The following NIPAL2 variants were observed in gnomAD, a reference collection of about 807,000 sequenced individuals.
The protein encoded by NIPAL2 is NIPA-like protein 2.
Under a neutral mutation model 48.9 loss-of-function variants are expected in NIPAL2, and 43 were observed. The ratio of observed to expected loss-of-function variants is 0.88; its 90% CI spans 0.69 to 1.13. NIPAL2 has a LOEUF of 1.13. Ranked by LOEUF, NIPAL2 falls within the 50% of genes most tolerant of loss-of-function variation. The pLI is 0.00. For synonymous variants in NIPAL2, 167 were observed against 174.6 expected (o/e 0.96, Z 0.34); for missense variants, 446 against 461.4 (o/e 0.97, Z 0.31).
intron 6 of NIPAL2, among the ~76,000 whole-genome samples, chr8:98,206,806 A>G (rs1027113308): frequency 4.6e-4 from 70 of 151,520 alleles, no homozygotes; most frequent in Admixed American, 7.2e-4. Context: ...AAAAAAAATC[A>G]TAATTGACAG....
intron 8 of NIPAL2, among the ~76,000 whole-genome samples, chr8:98,198,991 T>C (rs1202349045): frequency 6.6e-6 from 1 of 151,456 alleles, no homozygotes; most frequent in Non-Finnish European, 1.5e-5. Flanking sequence ...AGTTTCACTC[T>C]TGTTGCCCAG....
intron 6 of NIPAL2, 142 bp downstream of exon 6, chr8:98,212,263 A>G: frequency 2.4e-6 from 1 of 423,300 alleles, no homozygotes; most frequent in Non-Finnish European, 4.2e-6. Context: ...TTTATAATTT[A>G]GACTCAGTTT....
chr8:98,202,881 C>T (rs1261394947), intron 8 of NIPAL2, among the ~76,000 whole-genome samples: 1 of 152,108 alleles, frequency 6.6e-6, no homozygotes. Flanking sequence ...TAGAAATCTC[C>T]AGAGAATGAG....
At chr8:98,193,728 G>A (rs1342946288) in intron 10 of NIPAL2, among the ~76,000 whole-genome samples, 2 of 151,888 alleles carry the variant, frequency 1.3e-5, no homozygotes, top group East Asian at 3.9e-4. Context: ...ACTTGAACCC[G>A]GGAGGGGGAG....
At chr8:98,224,756 T>TTTA (rs71570296) in intron 4 of NIPAL2, among the ~76,000 whole-genome samples, 1 of 11,650 alleles carries the variant, frequency 8.6e-5, no homozygotes. Context: ...CTTTCTTTTC[T>TTTA]TTTTTTTTTT....
chr8:98,244,140 G>A (rs1224795555), intron 3 of NIPAL2, among the ~76,000 whole-genome samples: 2 of 149,306 alleles, frequency 1.3e-5, no homozygotes, highest in East Asian at 2.0e-4. Context: ...GAAAAAGAAC[G>A]TTTGGTTGAC....
At chr8:98,270,173 C>G (rs959207309) in intron 1 of NIPAL2, among the ~76,000 whole-genome samples, 1 of 151,934 alleles carries the variant, frequency 6.6e-6, no homozygotes, top group Admixed American at 6.6e-5. Flanking sequence ...TTTGGTAGAA[C>G]AATTTATTTT....
chr8:98,203,902 G>A lies in NIPAL2; in HGVS notation c.792-706C>T, dbSNP rs528577013. Among the ~76,000 whole-genome samples, 6 of 148,458 alleles carry A rather than the reference G, an allele frequency of 4.0e-5. No homozygotes were observed. The East Asian group carries it at 9.9e-4, about 24-fold the overall frequency. On this transcript the variant is annotated intron_variant, in intron 7 of 10. Coordinates refer to ENST00000430223, the MANE Select transcript of NIPAL2 (RefSeq NM_001321635.2). ...TGTACATACACATATGTAGGTATAC[G>A]TAAATGCATGTATGTGCATGTATGC...
rs1010071449 is a variant in NIPAL2, at chr8:98,193,519, TAG to T, written c.1040-431_1040-430del. The stretch of plus-strand genomic sequence containing the variant: ...GCACTGAGCTTTGTGAAATAAAAAA[TAG>T]AGTTAAAAATAATCAGGCTCGGTGC... On this transcript the variant is annotated intron_variant, in intron 10 of 10. Transcript: ENST00000430223. 4 of 1,172,182 alleles carry T rather than the reference TAG, an allele frequency of 3.4e-6. No individual in the cohort carries two copies. In the African/African-American group the frequency reaches 6.1e-5, roughly 18 times the overall value. The allele number at this position is 1,172,182 out of a possible 1,614,324, so 72.6% of individuals were successfully genotyped here.
chr8:98,266,025 C>T (rs1250101538), intron 1 of NIPAL2, among the ~76,000 whole-genome samples: 3 of 149,942 alleles, frequency 2.0e-5, no homozygotes, highest in African/African-American at 4.9e-5. Context: ...AGTAAACTAT[C>T]GCAAGAACAA....
intron 8 of NIPAL2, among the ~76,000 whole-genome samples, chr8:98,202,696 G>A (rs1810860237): frequency 6.6e-6 from 1 of 152,118 alleles, no homozygotes. Context: ...GAACCATGAG[G>A]CAAATAAACC....
chr8:98,291,937 A>G (rs932642608), intron 1 of NIPAL2, among the ~76,000 whole-genome samples: 2 of 152,272 alleles, frequency 1.3e-5, no homozygotes, highest in Non-Finnish European at 2.9e-5. Flanking sequence ...TTAAACATGT[A>G]TTACATGAAA....
intron 3 of NIPAL2, among the ~76,000 whole-genome samples, chr8:98,247,282 T>C (rs906917279): frequency 6.6e-6 from 1 of 152,232 alleles, no homozygotes; most frequent in Non-Finnish European, 1.5e-5. Context: ...TTCTGCAGGC[T>C]GCATTTTGTG....
chr8:98,228,619 C>T (rs915129505), intron 4 of NIPAL2, among the ~76,000 whole-genome samples: 9 of 152,126 alleles, frequency 5.9e-5, no homozygotes, highest in Non-Finnish European at 2.9e-5. Context: ...CTTCAAAGCC[C>T]ACTGAGAGGC....
intron 10 of NIPAL2, 72 bp from the exon 11 acceptor site, chr8:98,193,162 A>C: frequency 7.9e-7 from 1 of 1,258,090 alleles, no homozygotes; most frequent in Non-Finnish European, 1.2e-6. Flanking sequence ...TTTCTCCTCA[A>C]TCTAGGCCAC....
intron 6 of NIPAL2, among the ~76,000 whole-genome samples, chr8:98,207,412 T>C (rs1173417254): frequency 1.3e-5 from 2 of 152,198 alleles, no homozygotes; most frequent in Non-Finnish European, 2.9e-5. Flanking sequence ...CTAAGTATTT[T>C]TGGGGGGTGG....
intron 3 of NIPAL2, among the ~76,000 whole-genome samples, chr8:98,245,444 G>A (rs966294630): frequency 2.0e-5 from 3 of 152,136 alleles, no homozygotes; most frequent in Admixed American, 6.6e-5. Flanking sequence ...GAAGAAAAGT[G>A]TCAAGTAATT....
At chr8:98,222,993 C>CTAGATCTAA (rs1586341287) in intron 4 of NIPAL2, among the ~76,000 whole-genome samples, 2 of 152,154 alleles carry the variant, frequency 1.3e-5, no homozygotes, top group East Asian at 3.9e-4. Context: ...CTAGATCTGT[C>CTAGATCTAA]TAGATCTAGA....
intron 4 of NIPAL2, among the ~76,000 whole-genome samples, chr8:98,230,999 C>A (rs563691437): frequency 1.1e-4 from 17 of 152,286 alleles, no homozygotes; most frequent in African/African-American, 4.1e-4. Flanking sequence ...ATTCAGCTAA[C>A]CTGACTGCAA....
Sources: allele counts gnomAD v4.1 joint callset (sites outside exome capture counted in the v4.1 genomes callset), GRCh38; gene constraint gnomAD v4.1.1; transcripts MANE v1.5; gene names NCBI Gene and HGNC (gene_info 2026-07-23, HGNC 2026-07-21).